LIN28B: variants seen among roughly 807,000 people sequenced by gnomAD.
LIN28B encodes protein lin-28 homolog B.
A neutral mutation model predicts 21.9 loss-of-function variants in LIN28B; 5 were observed. The ratio of observed to expected loss-of-function variants is 0.23; its 90% CI spans 0.12 to 0.48. The LOEUF (loss-of-function observed/expected upper bound fraction) is 0.48. LIN28B is among the 20% of genes least tolerant of loss of function. LIN28B has a pLI of 0.98. For missense variants in LIN28B, 245 were observed against 310.5 expected, an observed-to-expected ratio of 0.79 and a Z score of 1.58; for synonymous variants, 109 against 111.3, an observed-to-expected ratio of 0.98 and a Z score of 0.13.
At chr6:104,995,489 A>T (rs1466471432) in intron 2 of LIN28B, among the ~76,000 whole-genome samples, 2 of 152,158 alleles carry the variant, frequency 1.3e-5, no homozygotes, top group Non-Finnish European at 2.9e-5. Context: ...GTGACCATCC[A>T]GTTGGATATA....
intron 2 of LIN28B, among the ~76,000 whole-genome samples, chr6:104,968,117 A>G (rs992771851): frequency 5.9e-5 from 9 of 152,204 alleles, no homozygotes; most frequent in African/African-American, 1.9e-4. Flanking sequence ...ATTTTTATTG[A>G]TCATGTACTC....
intron 2 of LIN28B, among the ~76,000 whole-genome samples, chr6:104,962,195 T>C (rs905916440): frequency 3.9e-5 from 6 of 152,120 alleles, no homozygotes; most frequent in African/African-American, 1.4e-4. Flanking sequence ...TCAAATATGA[T>C]ACAATTGTTT....
intron 3 of LIN28B, chr6:105,045,458 G>T (rs1262710914): frequency 6.6e-6 from 1 of 151,604 alleles, no homozygotes; most frequent in Non-Finnish European, 1.5e-5. Flanking sequence ...GCTAATTTTT[G>T]TATTTTTAGT....
At chr6:105,041,348 C>T (rs912649350) in intron 3 of LIN28B, among the ~76,000 whole-genome samples, 2 of 152,008 alleles carry the variant, frequency 1.3e-5, no homozygotes, top group Admixed American at 6.6e-5. Flanking sequence ...TCTTTCAGAT[C>T]TCACTTGTAT....
intron 2 of LIN28B, among the ~76,000 whole-genome samples, chr6:104,947,266 A>C (rs1031845662): frequency 6.6e-6 from 1 of 152,104 alleles, no homozygotes. Flanking sequence ...CTAGGATTAC[A>C]GGCATGCACG....
intron 2 of LIN28B, among the ~76,000 whole-genome samples, chr6:104,949,478 G>A (rs1778194745): frequency 6.6e-6 from 1 of 152,146 alleles, no homozygotes; most frequent in Non-Finnish European, 1.5e-5. Context: ...TCAACATTCA[G>A]TAGAACCCTG....
At chr6:105,044,306 CT>C (rs1351359703) in intron 3 of LIN28B, among the ~76,000 whole-genome samples, 1 of 152,136 alleles carries the variant, frequency 6.6e-6, no homozygotes, top group Non-Finnish European at 1.5e-5. Context: ...CCTACTCTTT[CT>C]TCCGCTAGTT....
chr6:104,980,086 T>C (rs978691469), intron 2 of LIN28B, among the ~76,000 whole-genome samples: 1 of 152,172 alleles, frequency 6.6e-6, no homozygotes, highest in Non-Finnish European at 1.5e-5. Context: ...TAATATTTTT[T>C]CTCCTAGCTA....
intron 3 of LIN28B, among the ~76,000 whole-genome samples, chr6:105,069,682 C>G (rs1273004034): frequency 1.3e-5 from 2 of 150,714 alleles, no homozygotes; most frequent in African/African-American, 4.9e-5. Flanking sequence ...GAGCAAGACC[C>G]TGTCTCAAAA....
intron 2 of LIN28B, among the ~76,000 whole-genome samples, chr6:104,996,026 A>G (rs1278346713): frequency 6.6e-6 from 1 of 151,794 alleles, no homozygotes; most frequent in African/African-American, 2.4e-5. Flanking sequence ...ATGTGAATCA[A>G]ACAAAATCAG....
chr6:104,974,317 C>T (rs150911859), intron 2 of LIN28B, among the ~76,000 whole-genome samples: 2,923 of 151,654 alleles, frequency 0.019, 95 homozygotes, highest in African/African-American at 0.068. Context: ...GGTGAAACCC[C>T]GTCTCTGCTA....
chr6:105,043,042 T>G (rs1771668707), intron 3 of LIN28B, among the ~76,000 whole-genome samples: 1 of 152,134 alleles, frequency 6.6e-6, no homozygotes, highest in South Asian at 2.1e-4. Flanking sequence ...CTTTGCTCAC[T>G]GGAAGAATAT....
At chr6:105,034,093 A>G (rs1380998701) in intron 3 of LIN28B, among the ~76,000 whole-genome samples, 2 of 151,942 alleles carry the variant, frequency 1.3e-5, no homozygotes, top group African/African-American at 4.8e-5. Context: ...CACAAAGTGC[A>G]TGGATATGTA....
chr6:105,020,787 C>CTG (rs1389178880), intron 2 of LIN28B, among the ~76,000 whole-genome samples: 1 of 121,044 alleles, frequency 8.3e-6, no homozygotes, highest in Non-Finnish European at 1.6e-5. Context: ...AAGTCTCGCT[C>CTG]TGTTGCCCAG....
intron 3 of LIN28B, among the ~76,000 whole-genome samples, chr6:105,071,166 C>G (rs1214849949): frequency 1.3e-5 from 2 of 152,164 alleles, no homozygotes; most frequent in Non-Finnish European, 2.9e-5. Context: ...GCATGAGCCA[C>G]TGCACCCGGC....
At chr6:105,021,605 G>A (rs973605152) in intron 2 of LIN28B, among the ~76,000 whole-genome samples, 5 of 152,078 alleles carry the variant, frequency 3.3e-5, no homozygotes, top group Non-Finnish European at 5.9e-5. Context: ...ATGTAACGTT[G>A]AACATTTTTC....
chr6:104,940,257 G>A (rs777788734), intron 2 of LIN28B: 1 of 167,628 alleles, frequency 6.0e-6, no homozygotes, highest in Non-Finnish European at 1.5e-5. Flanking sequence ...ATATGATTTT[G>A]TTACCTTCTT....
At chr6:105,020,925 T>G (rs1582900084) in intron 2 of LIN28B, among the ~76,000 whole-genome samples, 1 of 151,764 alleles carries the variant, frequency 6.6e-6, no homozygotes, top group Admixed American at 6.6e-5. Context: ...GCTAATTTTT[T>G]TTTGTATTTT....
At chr6:104,958,023 C>T (rs1778315388) in intron 1 of LIN28B, 76 bp from the exon 2 acceptor site, 1 of 1,051,392 alleles carries the variant, frequency 9.5e-7, no homozygotes, top group Non-Finnish European at 1.3e-6. Flanking sequence ...CCCAGGCAGG[C>T]AATTTTTTTT....
Sources: allele counts gnomAD v4.1 joint callset (sites outside exome capture counted in the v4.1 genomes callset), GRCh38; gene constraint gnomAD v4.1.1; transcripts MANE v1.5; gene names NCBI Gene and HGNC (gene_info 2026-07-23, HGNC 2026-07-21).